The following CDH18 variants were observed in gnomAD, a reference collection of about 807,000 sequenced individuals.
CDH18 encodes the protein cadherin-18.
A neutral mutation model predicts 67.9 loss-of-function variants in CDH18; 31 were observed. The observed-to-expected ratio is 0.46, with a 90% CI of 0.34 to 0.62. The LOEUF (loss-of-function observed/expected upper bound fraction) is 0.62. CDH18 is among the 20% of genes least tolerant of loss of function. CDH18 has a pLI of 0.01. For synonymous variants in CDH18, 362 were observed against 347.2 expected (o/e 1.04, Z -0.48); for missense variants, 890 against 975.5 (o/e 0.91, Z 1.17).
intron 3 of CDH18, among the ~76,000 whole-genome samples, chr5:19,775,056 C>G (rs1189280386): frequency 6.6e-6 from 1 of 152,006 alleles, no homozygotes; most frequent in East Asian, 1.9e-4. Flanking sequence ...AGACAGGAAC[C>G]CTTCAGAGCC....
chr5:20,338,912 G>C (rs903685859), intron 1 of CDH18, among the ~76,000 whole-genome samples: 9 of 152,238 alleles, frequency 5.9e-5, no homozygotes, highest in South Asian at 2.1e-4. Flanking sequence ...GCTTTGCCCA[G>C]GTACACTTAA....
intron 1 of CDH18, among the ~76,000 whole-genome samples, chr5:20,342,091 T>C (rs1740313299): frequency 6.6e-6 from 1 of 152,062 alleles, no homozygotes; most frequent in Admixed American, 6.6e-5. Context: ...GAGCTGAAAT[T>C]ACGGAAAAAC....
In CDH18 at chr5:20,270,851, G is replaced by C. The variant is rs183156201; in HGVS notation, c.-579-15346C>G. On this transcript the variant is annotated intron_variant, in intron 1 of 14. Transcript: ENST00000507958. ...TTGCAGGAACATGAATGGAGTTGGA[G>C]GCCATTATCCTTAGCAACCTCTAAT... Among the ~76,000 whole-genome samples the C allele has an allele frequency of 6.8e-3, 1,034 of 152,172 alleles. 11 individuals are homozygous for C. Among genetic ancestry groups the C allele is most frequent in the Non-Finnish European group, 0.011 (736 of 68,002 alleles).
intron 9 of CDH18, among the ~76,000 whole-genome samples, chr5:19,537,155 C>A (rs1749545067): frequency 6.6e-6 from 1 of 152,122 alleles, no homozygotes; most frequent in African/African-American, 2.4e-5. Context: ...TAGTGGGCCT[C>A]ATTCAATCAG....
intron 2 of CDH18, among the ~76,000 whole-genome samples, chr5:20,216,758 C>G (rs571443414): frequency 1.3e-5 from 2 of 151,732 alleles, no homozygotes; most frequent in African/African-American, 4.8e-5. Context: ...TCAAGAGCAA[C>G]GACAAAACAA....
At chr5:19,489,468 C>T (rs1291694410) in intron 11 of CDH18, among the ~76,000 whole-genome samples, 10 of 151,946 alleles carry the variant, frequency 6.6e-5, no homozygotes, top group African/African-American at 2.4e-4. Flanking sequence ...AGGCTGGTCT[C>T]AAACTCCTGA....
At chr5:20,563,477 T>A (rs933900421) in intron 1 of CDH18, among the ~76,000 whole-genome samples, 1 of 41,952 alleles carries the variant, frequency 2.4e-5, no homozygotes, top group Non-Finnish European at 4.4e-5. Flanking sequence ...GTTAAATTGT[T>A]GACAGTAAGT....
intron 2 of CDH18, among the ~76,000 whole-genome samples, chr5:19,960,731 A>ATG (rs1454445734): frequency 0.041 from 5,224 of 127,026 alleles, 844 homozygotes; most frequent in African/African-American, 0.19. Flanking sequence ...GTATATACGT[A>ATG]TATACGTATA....
intron 2 of CDH18, among the ~76,000 whole-genome samples, chr5:19,891,484 C>A (rs372261917): frequency 6.6e-6 from 1 of 152,072 alleles, no homozygotes; most frequent in Admixed American, 6.6e-5. Context: ...AAGATAATCA[C>A]GTAAAAGATA....
At chr5:19,589,187 C>T (rs1744695919) in intron 7 of CDH18, among the ~76,000 whole-genome samples, 2 of 152,046 alleles carry the variant, frequency 1.3e-5, no homozygotes, top group South Asian at 2.1e-4. Context: ...CCCAGTCAAT[C>T]CTGTACTTCC....
intron 9 of CDH18, among the ~76,000 whole-genome samples, chr5:19,524,380 TATC>T (rs1299800089): frequency 1.3e-4 from 20 of 150,658 alleles, no homozygotes; most frequent in East Asian, 1.2e-3. Flanking sequence ...TATGTTTACT[TATC>T]ATGAAAATGC....
At chr5:20,488,673 T>TTATATATATA (rs34690857) in intron 1 of CDH18, among the ~76,000 whole-genome samples, 7,913 of 126,102 alleles carry the variant, frequency 0.063, 336 homozygotes, top group Non-Finnish European at 0.099. Flanking sequence ...GGGTAGTGTT[T>TTATATATATA]TATATATATA....
intron 2 of CDH18, among the ~76,000 whole-genome samples, chr5:20,182,273 G>A (rs1204058340): frequency 1.3e-5 from 2 of 151,750 alleles, no homozygotes; most frequent in East Asian, 1.9e-4. Context: ...CATTTCCTCA[G>A]GTTGAGGGTT....
intron 3 of CDH18, among the ~76,000 whole-genome samples, chr5:19,790,328 T>G (rs185037749): frequency 6.6e-6 from 1 of 152,286 alleles, no homozygotes; most frequent in Admixed American, 6.5e-5. Flanking sequence ...AATTTTGAAA[T>G]TGTTTCACTC....
At chr5:19,837,151 ACACAGAAACAG>A (rs1240650722) in intron 3 of CDH18, among the ~76,000 whole-genome samples, 1 of 152,126 alleles carries the variant, frequency 6.6e-6, no homozygotes, top group Non-Finnish European at 1.5e-5. Context: ...CAGCAAACTA[ACACAGAAACAG>A]AAAACCAAAC....
intron 5 of CDH18, among the ~76,000 whole-genome samples, chr5:19,640,543 CAG>C (rs1753853226): frequency 1.3e-5 from 2 of 151,830 alleles, no homozygotes; most frequent in Admixed American, 1.3e-4. Context: ...AATAAGAAAA[CAG>C]AAATAACCAG....
upstream of CDH18, chr5:19,992,038 AG>A (rs1243251579): frequency 8.0e-5 from 12 of 150,542 alleles, no homozygotes; most frequent in Non-Finnish European, 1.3e-4. Context: ...AAAAAAAAAA[AG>A]AATTGCAGAG....
chr5:19,507,914 A>C (rs1258326164), intron 10 of CDH18, among the ~76,000 whole-genome samples: 2 of 152,052 alleles, frequency 1.3e-5, no homozygotes, highest in Non-Finnish European at 2.9e-5. Flanking sequence ...ATTTAAAAAA[A>C]AGAAGAGAGA....
rs1454742904 is a variant in CDH18 at position 19,655,269 on chromosome 5, T to G, written c.644-42668A>C. On this transcript the variant is annotated intron_variant, in intron 5 of 12. Transcript: ENST00000382275. ...GTATCTATATACACACATTCCATGA[T>G]GATAAGATATAAATATTATCTACTC... Among the ~76,000 whole-genome samples the G allele has an allele frequency of 2.0e-5, 3 of 152,182 alleles. No individual in the cohort carries two copies. The East Asian group carries it at 5.8e-4, about 29-fold the overall frequency.
Sources: allele counts gnomAD v4.1 joint callset (sites outside exome capture counted in the v4.1 genomes callset), GRCh38; gene constraint gnomAD v4.1.1; transcripts MANE v1.5; gene names NCBI Gene and HGNC (gene_info 2026-07-23, HGNC 2026-07-21).